Variants in PLXDC1 observed in about 807,000 individuals in gnomAD.
PLXDC1 encodes the protein plexin domain-containing protein 1.
Under a neutral mutation model 61.3 loss-of-function variants are expected in PLXDC1, and 39 were observed. That is an observed-to-expected ratio of 0.64 (90% CI 0.49 to 0.83). The LOEUF is 0.83. Ranked by LOEUF, PLXDC1 falls within the 40% of genes least tolerant of loss-of-function variation. PLXDC1 has a pLI of 0.00. For missense variants in PLXDC1, 596 were observed against 666.5 expected, an observed-to-expected ratio of 0.89 and a Z score of 1.17; for synonymous variants, 212 against 254.5, an observed-to-expected ratio of 0.83 and a Z score of 1.59.
At chr17:39,145,750 A>C (rs1261141863) in intron 1 of PLXDC1, among the ~76,000 whole-genome samples, 1 of 152,224 alleles carries the variant, frequency 6.6e-6, no homozygotes, top group East Asian at 1.9e-4. Context: ...GCAGTAAAAC[A>C]ACACAGGTTT....
intron 2 of PLXDC1, among the ~76,000 whole-genome samples, chr17:39,117,022 A>C (rs1910992458): frequency 6.6e-6 from 1 of 152,248 alleles, no homozygotes; most frequent in South Asian, 2.1e-4. Context: ...GGGGAATGGA[A>C]GCTGGGTGAG....
intron 11 of PLXDC1, among the ~76,000 whole-genome samples, chr17:39,076,077 G>GAAAAAAAAAAAAAAAA (rs71352340): frequency 3.6e-5 from 3 of 82,388 alleles, no homozygotes; most frequent in Non-Finnish European, 4.6e-5. Flanking sequence ...GACTAAGTCT[G>GAAAAAAAAAAAAAAAA]AAAAAAAAAA....
chr17:39,081,920 T>C (rs777834216), intron 9 of PLXDC1, among the ~76,000 whole-genome samples: 5 of 152,212 alleles, frequency 3.3e-5, no homozygotes, highest in African/African-American at 1.2e-4. Context: ...CCAGCCTGGA[T>C]GACAGAGCAA....
intron 7 of PLXDC1, among the ~76,000 whole-genome samples, chr17:39,088,078 G>A (rs911077114): frequency 6.6e-6 from 1 of 152,176 alleles, no homozygotes; most frequent in African/African-American, 2.4e-5. Context: ...CACTTCCCCT[G>A]AGCAGCCCTC....
At chr17:39,068,082 C>G (rs1908965600) in intron 13 of PLXDC1, 123 bp from the exon 14 acceptor site, 9 of 838,530 alleles carry the variant, frequency 1.1e-5, no homozygotes, top group Non-Finnish European at 1.5e-5. Context: ...CTTGGGCCTA[C>G]CAGGAGCCAC....
At chr17:39,141,282 C>T (rs2143948413) in intron 1 of PLXDC1, among the ~76,000 whole-genome samples, 1 of 152,314 alleles carries the variant, frequency 6.6e-6, no homozygotes, top group Non-Finnish European at 1.5e-5. Flanking sequence ...AATTTTCCTG[C>T]CTTGGCTCCC....
chr17:39,067,783 T>C lies in PLXDC1; in HGVS notation c.*57A>G. ...GGCCAGGAAAAGTCACTTCTCTTCT[T>C]TGCTTTAACTGTCTTTTCTGTGGCC... On this transcript the variant is annotated 3_prime_UTR_variant, in exon 14 of 14. Coordinates refer to ENST00000315392, the MANE Select transcript of PLXDC1 (RefSeq NM_020405.5). 2 of 1,541,874 alleles carry C rather than the reference T, an allele frequency of 1.3e-6. No individual in the cohort carries two copies. Among genetic ancestry groups the C allele is most frequent in the Non-Finnish European group, 1.8e-6 (2 of 1,130,232 alleles).
In PLXDC1 at chr17:39,066,529, C is replaced by T. The variant is rs1475013439; in HGVS notation, c.*1311G>A. 2.0e-5 allele frequency: 3 copies of T among 152,132 alleles called. No homozygotes were observed. The highest frequency in any genetic ancestry group is 4.4e-5 in the Non-Finnish European group (3 of 68,054). 9.4% of individuals were successfully genotyped at this position (152,132 alleles called of 1,614,324 possible). On this transcript the variant is annotated 3_prime_UTR_variant, in exon 14 of 14. Transcript: ENST00000315392. ...AGATGGAGAGAATACCTTCTTTAGG[C>T]TTTCAGAGCTACAGAAGCTGGGGCT...
chr17:39,118,554 C>T (rs1408318963), intron 2 of PLXDC1, among the ~76,000 whole-genome samples: 1 of 152,166 alleles, frequency 6.6e-6, no homozygotes, highest in Non-Finnish European at 1.5e-5. Context: ...TGGAGCCCTG[C>T]TAACTAAAAT....
intron 1 of PLXDC1, among the ~76,000 whole-genome samples, chr17:39,142,288 A>G (rs946476681): frequency 5.9e-5 from 9 of 152,202 alleles, no homozygotes; most frequent in Non-Finnish European, 5.9e-5. Context: ...TTCATATCAC[A>G]TGCCATCTGC....
chr17:39,151,934 C>T (rs1310928321), upstream of PLXDC1, among the ~76,000 whole-genome samples: 1 of 152,156 alleles, frequency 6.6e-6, no homozygotes, highest in Non-Finnish European at 1.5e-5. The surrounding 1 kb of genome is among the most constrained non-coding windows in gnomAD (Gnocchi z 5.2). Flanking sequence ...AGAGAGAAGG[C>T]CCGAGGACTG....
intron 2 of PLXDC1, among the ~76,000 whole-genome samples, chr17:39,111,071 A>G (rs371046981): frequency 5.3e-5 from 8 of 151,972 alleles, no homozygotes; most frequent in East Asian, 3.9e-4. Flanking sequence ...AGATCCCACC[A>G]TCAGCCAGCC....
At chr17:39,128,252 T>C (rs1430733132) in intron 2 of PLXDC1, among the ~76,000 whole-genome samples, 4 of 150,630 alleles carry the variant, frequency 2.7e-5, no homozygotes, top group Non-Finnish European at 4.4e-5. Flanking sequence ...AGTTTCACTC[T>C]TGTTGCCCAG....
intron 2 of PLXDC1, among the ~76,000 whole-genome samples, chr17:39,118,784 A>G (rs1357085057): frequency 3.3e-5 from 5 of 152,206 alleles, no homozygotes; most frequent in African/African-American, 1.2e-4. Context: ...CCTACAATCT[A>G]CAGCTTGTGC....
chr17:39,139,920 C>A, intron 1 of PLXDC1, 88 bp from the exon 2 acceptor site: 1 of 1,275,678 alleles, frequency 7.8e-7, no homozygotes. Context: ...GCAAGGGCCC[C>A]AACACCATGC....
intron 2 of PLXDC1, among the ~76,000 whole-genome samples, chr17:39,124,329 A>G (rs1039804452): frequency 6.6e-6 from 1 of 152,266 alleles, no homozygotes; most frequent in African/African-American, 2.4e-5. Context: ...ACTGTGGCTC[A>G]CGCCTGTAAT....
intron 12 of PLXDC1, chr17:39,070,258 G>A (rs1372016359): frequency 2.5e-6 from 1 of 401,678 alleles, no homozygotes; most frequent in Non-Finnish European, 4.4e-6. Context: ...GTCTAATAAG[G>A]ATCATAAGAG....
At chr17:39,122,119 G>A (rs890175199) in intron 2 of PLXDC1, among the ~76,000 whole-genome samples, 12 of 148,832 alleles carry the variant, frequency 8.1e-5, no homozygotes, top group South Asian at 4.3e-4. Context: ...AAAGGGGGGG[G>A]GGACTGGGTG....
At chr17:39,083,680 C>T (rs76006452) in intron 8 of PLXDC1, 140 bp from the exon 9 acceptor site, 7,267 of 696,258 alleles carry the variant, frequency 0.01, 251 homozygotes, top group East Asian at 0.089. Flanking sequence ...ATGCCACCTC[C>T]CTTGGTCCAG....
Sources: gnomAD v4.1 joint callset for allele counts (sites outside exome capture counted in the v4.1 genomes callset) on GRCh38, gnomAD v4.1.1 for gene constraint, Gnocchi (gnomAD v3.1) non-coding constraint, MANE v1.5 for transcripts, NCBI Gene and HGNC (gene_info 2026-07-23, HGNC 2026-07-21) for gene names.